Variants in GRK5 observed in about 807,000 individuals in gnomAD.
GRK5 encodes the protein g protein-coupled receptor kinase GRK5.
GRK5 carries 40 observed loss-of-function variants against 78.4 expected under a neutral mutation model. The observed-to-expected ratio is 0.51, with a 90% CI of 0.40 to 0.66. The LOEUF (loss-of-function observed/expected upper bound fraction) is 0.66, where lower values mean the gene tolerates loss of function less well. GRK5 is among the 30% of genes least tolerant of loss of function. The pLI, the probability that GRK5 is intolerant of heterozygous loss-of-function variation, is 0.00. For synonymous variants in GRK5, 289 were observed against 296.8 expected (o/e 0.97, Z 0.27); for missense variants, 598 against 759.9 (o/e 0.79, Z 2.50).
Position 119,217,612 on chromosome 10 carries a change from C to T in GRK5, c.52+9643C>T, listed in dbSNP as rs1214574520. 6.6e-6 allele frequency among the ~76,000 whole-genome samples: 1 copy of T among 152,212 alleles called. No individual in the cohort carries two copies. The highest frequency in any genetic ancestry group is 1.5e-5 in the Non-Finnish European group (1 of 68,028). ...TGCCCCCAAGGGACTGGATGTGAAGCCCCATGGGTGGTGGTGGTGGGGACA... is the reference window on the plus strand; with the variant it reads ...TGCCCCCAAGGGACTGGATGTGAAGTCCCATGGGTGGTGGTGGTGGGGACA... On this transcript the variant is annotated intron_variant, in intron 1 of 15. Transcript: ENST00000392870. This position sits in a 1 kb window ranked among gnomAD's most constrained non-coding sequence, Gnocchi z 4.1.
intron 2 of GRK5, among the ~76,000 whole-genome samples, chr10:119,340,108 T>TTTG (rs1554908738): frequency 5.3e-5 from 8 of 149,690 alleles, no homozygotes; most frequent in Non-Finnish European, 1.2e-4. Flanking sequence ...AGTGTGGTTT[T>TTTG]TTTGTTTGTT....
intron 4 of GRK5, among the ~76,000 whole-genome samples, chr10:119,411,889 C>T (rs889039168): frequency 3.4e-5 from 4 of 118,728 alleles, no homozygotes; most frequent in Non-Finnish European, 5.1e-5. Flanking sequence ...CTTGCTCTGT[C>T]GCCCAGTCTG....
intron 1 of GRK5, among the ~76,000 whole-genome samples, chr10:119,218,671 A>G (rs17098556): frequency 0.078 from 11,929 of 152,196 alleles, 946 homozygotes; most frequent in African/African-American, 0.2. Context: ...AAAGGATTGG[A>G]CCATCGACTT....
chr10:119,393,452 C>T (rs1415572606), intron 3 of GRK5, among the ~76,000 whole-genome samples: 1 of 152,256 alleles, frequency 6.6e-6, no homozygotes, highest in Non-Finnish European at 1.5e-5. Context: ...CCCAGGCCTC[C>T]ATTTGGTTAA....
chr10:119,343,787 G>C (rs2085185), intron 2 of GRK5, among the ~76,000 whole-genome samples: 113,643 of 152,166 alleles, frequency 0.75, 44,808 homozygotes, highest in Middle Eastern at 0.87. Flanking sequence ...TCTGATAGCC[G>C]CTGTCTGCAG....
At position 119,431,938 on chromosome 10, in the gene GRK5, G is replaced by A. The variant is rs1852829101; in HGVS notation, c.738+411G>A. Reference sequence around the variant, plus strand: ...ATCCTGGAATGGCACTATCAAGTCTGTGTGCATTGTGTTAGTCAGTCTAGG... The same window carrying A: ...ATCCTGGAATGGCACTATCAAGTCTATGTGCATTGTGTTAGTCAGTCTAGG... On this transcript the variant is annotated intron_variant, in intron 8 of 15. Coordinates refer to ENST00000392870, the MANE Select transcript of GRK5 (RefSeq NM_005308.3). This position sits in a 1 kb window ranked among gnomAD's most constrained non-coding sequence, Gnocchi z 4.8. 6.6e-6 allele frequency among the ~76,000 whole-genome samples: 1 copy of A among 152,224 alleles called. No homozygotes were observed. The highest frequency in any genetic ancestry group is 2.4e-5 in the African/African-American group (1 of 41,458).
chr10:119,261,483 T>C, intron 1 of GRK5, among the ~76,000 whole-genome samples: 3 of 147,982 alleles, frequency 2.0e-5, no homozygotes, highest in African/African-American at 7.5e-5. Context: ...CGCTCCTCAC[T>C]TCCCAGACGG....
chr10:119,363,569 G>A (rs1293263292), intron 2 of GRK5, among the ~76,000 whole-genome samples: 1 of 152,192 alleles, frequency 6.6e-6, no homozygotes, highest in Non-Finnish European at 1.5e-5. Context: ...GTCTACTAGG[G>A]CTGCTATGGA....
In GRK5 at chr10:119,264,485, C is replaced by A. The variant is rs771523222; in HGVS notation, c.52+56516C>A. ...CTCCTACTACCGCTCATCCTTCTCC[C>A]CATGACGATAAAGATGGCCAGTGGC... On this transcript the variant is annotated intron_variant, in intron 1 of 15. Transcript: ENST00000392870. This position sits in a 1 kb window ranked among gnomAD's most constrained non-coding sequence, Gnocchi z 4.1. Among the ~76,000 whole-genome samples the A allele has an allele frequency of 1.3e-5, 2 of 152,164 alleles. No homozygotes were observed. The highest frequency in any genetic ancestry group is 4.8e-5 in the African/African-American group (2 of 41,416).
chr10:119,310,054 T>G (rs1481641404), intron 1 of GRK5, among the ~76,000 whole-genome samples: 1 of 152,162 alleles, frequency 6.6e-6, no homozygotes, highest in Non-Finnish European at 1.5e-5. Flanking sequence ...AGACCATGTG[T>G]GTACACGGTC....
intron 1 of GRK5, among the ~76,000 whole-genome samples, chr10:119,222,789 G>A (rs1317385332): frequency 4.6e-5 from 7 of 152,222 alleles, no homozygotes; most frequent in East Asian, 1.9e-4. Flanking sequence ...TACGGGCTCC[G>A]TGTCCTGTCA....
At chr10:119,446,090 T>G (rs987779369) in intron 12 of GRK5, among the ~76,000 whole-genome samples, 1 of 152,120 alleles carries the variant, frequency 6.6e-6, no homozygotes. Flanking sequence ...GTCTCACTTG[T>G]CCTTCCAGCC....
chr10:119,292,088 CCTT>C (rs1849983433), intron 1 of GRK5, among the ~76,000 whole-genome samples: 2 of 125,880 alleles, frequency 1.6e-5, no homozygotes, highest in African/African-American at 3.1e-5. Flanking sequence ...TCTTCCTCCT[CCTT>C]CTCCTCTTCC....
intron 4 of GRK5, among the ~76,000 whole-genome samples, chr10:119,403,052 T>A (rs1238705946): frequency 6.6e-6 from 1 of 152,226 alleles, no homozygotes; most frequent in Admixed American, 6.5e-5. Flanking sequence ...TAGCAGTCAC[T>A]CCCTGTTCCC....
chr10:119,371,068 G>A lies in GRK5; in HGVS notation c.149-9747G>A, dbSNP rs572368402. Among the ~76,000 whole-genome samples the A allele has an allele frequency of 1.3e-4, 20 of 151,336 alleles. No homozygotes were observed. In the South Asian group the frequency reaches 2.7e-3, roughly 20 times the overall value. ...CATTTCCATTTCCTCAGGAAGCCGC[G>A]TTCCGTCCTTGCTCTTACTTCTGAA... On this transcript the variant is annotated intron_variant, in intron 2 of 15. Coordinates refer to ENST00000392870, the MANE Select transcript of GRK5 (RefSeq NM_005308.3).
At chr10:119,410,212 G>T (rs1011150640) in intron 4 of GRK5, among the ~76,000 whole-genome samples, 1 of 152,156 alleles carries the variant, frequency 6.6e-6, no homozygotes, top group Admixed American at 6.5e-5. Context: ...TGACGTAAAG[G>T]GTCGGGGTCT....
chr10:119,416,619 C>T (rs1273495376), intron 4 of GRK5, among the ~76,000 whole-genome samples: 1 of 150,814 alleles, frequency 6.6e-6, no homozygotes, highest in Non-Finnish European at 1.5e-5. Flanking sequence ...GAGACTGCTT[C>T]TCACTCTGTT....
intron 1 of GRK5, among the ~76,000 whole-genome samples, chr10:119,289,181 AT>A (rs766642464): frequency 6.6e-6 from 1 of 151,924 alleles, no homozygotes; most frequent in Non-Finnish European, 1.5e-5. Context: ...GAGAATAAAG[AT>A]TTTTGTTTTG....
chr10:119,230,994 A>G (rs1476717361), intron 1 of GRK5, among the ~76,000 whole-genome samples: 4 of 151,930 alleles, frequency 2.6e-5, no homozygotes, highest in Non-Finnish European at 4.4e-5. Flanking sequence ...TCTGCAAAAA[A>G]GAGGGAGAGG....
Sources: gnomAD v4.1 joint callset for allele counts (sites outside exome capture counted in the v4.1 genomes callset) on GRCh38, gnomAD v4.1.1 for gene constraint, Gnocchi (gnomAD v3.1) non-coding constraint, MANE v1.5 for transcripts, NCBI Gene and HGNC (gene_info 2026-07-23, HGNC 2026-07-21) for gene names.